The following CITED2 variants were observed in gnomAD, a reference collection of about 807,000 sequenced individuals.
The protein encoded by CITED2 is Cbp/p300 interacting transactivator with ED-rich tail 2.
In CITED2, 2 loss-of-function variants were observed where a neutral mutation model predicts 11.8. That is an observed-to-expected ratio of 0.17 (90% CI 0.07 to 0.54). The LOEUF is 0.54. Among genes scored for constraint, CITED2 ranks in the 20% least tolerant of loss-of-function variants. The pLI is 0.94. For synonymous variants in CITED2, 210 were observed against 153.0 expected (o/e 1.37, Z -2.75); for missense variants, 437 against 390.2 (o/e 1.12, Z -1.01).
Position 139,373,326 on chromosome 6 carries a change from G to A in CITED2, c.619C>T (p.His207Tyr). 1.2e-6 allele frequency: 2 copies of A among 1,610,298 alleles called. No individual in the cohort carries two copies. Among genetic ancestry groups the A allele is most frequent in the Non-Finnish European group, 1.7e-6 (2 of 1,178,794 alleles). ...GGCGGCAGCATTGCAGCGGGGACGTGGGCCACGGAGGCGGGCATGTTGCCG... is the reference window on the plus strand; with the variant it reads ...GGCGGCAGCATTGCAGCGGGGACGTAGGCCACGGAGGCGGGCATGTTGCCG... ...GSGNMPASVAHVPAAMLPPNV... is the reference protein window; with the variant it reads ...GSGNMPASVAYVPAAMLPPNV... The change falls in exon 2 of 2, where the codon CAC becomes TAC. Residue 207 changes from histidine (H) to tyrosine (Y), a missense_variant. This residue lies in a region of CITED2 where 396 missense variants were observed against 325.2 expected (regional missense o/e 1.22). Coordinates refer to ENST00000367651, the MANE Select transcript of CITED2 (RefSeq NM_006079.5).
In CITED2 at chr6:139,373,683, C is replaced by T. The variant is rs750072210; in HGVS notation, c.262G>A (p.Ala88Thr). 6.8e-6 allele frequency: 11 copies of T among 1,611,330 alleles called. No homozygotes were observed. The highest frequency in any genetic ancestry group is 1.7e-5 in the Admixed American group (1 of 59,958). The change falls in exon 2 of 2, where the codon GCC becomes ACC. Residue 88 changes from alanine to threonine, a missense_variant. Transcript: ENST00000367651. ...GAGTTGTTAAACCTGGCCGCGGGGGCCAGCGCGCTCGGGGGGTGCCCTCCG... is the reference window on the plus strand; with the variant it reads ...GAGTTGTTAAACCTGGCCGCGGGGGTCAGCGCGCTCGGGGGGTGCCCTCCG... ...VNGGHPPSAL[A>T]PAARFNNSQF...
rs1301946222 is a variant in CITED2 at position 139,373,564 on chromosome 6, G to A, written c.381C>T (p.His127=). 4.3e-6 allele frequency: 7 copies of A among 1,614,036 alleles called. No homozygotes were observed. The highest frequency in any genetic ancestry group is 1.3e-5 in the African/African-American group (1 of 74,934). Residue 127 remains histidine (H), a synonymous_variant, in exon 2 of 2, where the codon CAC becomes CAT. Transcript: ENST00000367651. ...QKLNNQYFNH[H]PYPHNHYMPD... ...GCATGTAGTGGTTGTGGGGGTAGGGGTGATGGTTGAAATACTGGTTGTTGA... is the reference window on the plus strand; with the variant it reads ...GCATGTAGTGGTTGTGGGGGTAGGGATGATGGTTGAAATACTGGTTGTTGA...
At chr6:139,374,056 C>A (rs1778324859) in intron 1 of CITED2, 104 bp from the exon 2 acceptor site, 6 of 1,526,334 alleles carry the variant, frequency 3.9e-6, no homozygotes, top group Non-Finnish European at 5.3e-6. Flanking sequence ...CCCGGGCGCA[C>A]GTCGGCTGCG....
At chr6:139,374,300 G>GCACATCCTGTTGTTA (rs1778332590) in intron 1 of CITED2, 113 bp downstream of exon 1, 1 of 860,436 alleles carries the variant, frequency 1.2e-6, no homozygotes, top group Non-Finnish European at 1.7e-6. Flanking sequence ...TCCTGTTGTT[G>GCACATCCTGTTGTTA]CACATCCTGT....
chr6:139,372,396 G>A lies in CITED2; in HGVS notation c.*736C>T, dbSNP rs1778261397. On this transcript the variant is annotated 3_prime_UTR_variant, in exon 2 of 2. Transcript: ENST00000367651. ...ACACAGTAGTATCTTTTCATGTACT[G>A]AATATAACTATTAGCACAGTGTCAA... is the stretch of plus-strand genomic sequence containing the variant. 6.6e-6 allele frequency: 1 copy of A among 152,024 alleles called. No homozygotes were observed. The highest frequency in any genetic ancestry group is 1.5e-5 in the Non-Finnish European group (1 of 68,026). 9.4% of individuals were successfully genotyped at this position (152,024 alleles called of 1,614,324 possible). A position where few individuals can be genotyped will look rare whatever the true frequency, so the allele number is the denominator to read the frequency against.
chr6:139,373,959 G>C lies in CITED2; in HGVS notation c.-8-7C>G. On this transcript the variant is annotated splice_polypyrimidine_tract_variant and splice_region_variant and intron_variant, in intron 1 of 1. Transcript: ENST00000367651. ...TGGTCTGCCATTTCCAGTCCTGGAA[G>C]TGAAAAGGGCAGATAATGAGACCCG... The C allele has an allele frequency of 6.3e-7, 1 of 1,596,408 alleles. No individual in the cohort carries two copies. Among genetic ancestry groups the C allele is most frequent in the Non-Finnish European group, 8.5e-7 (1 of 1,178,998 alleles).
chr6:139,373,351 G>T lies in CITED2; in HGVS notation c.594C>A (p.Ser198Arg). Residue 198 changes from serine (S) to arginine (R), a missense_variant, in exon 2 of 2, where the codon AGC (serine) becomes AGA (arginine). Coordinates refer to ENST00000367651, the MANE Select transcript of CITED2 (RefSeq NM_006079.5). The stretch of plus-strand genomic sequence containing the variant: ...GGGCCACGGAGGCGGGCATGTTGCC[G>T]CTGCCGCTGCCGCCGCCGCTGTTGC... ...GSSNSGGGSGSGNMPASVAHV... is the reference protein window; with the variant it reads ...GSSNSGGGSGRGNMPASVAHV... The T allele has an allele frequency of 6.3e-7, 1 of 1,590,682 alleles. No homozygotes were observed. The highest frequency in any genetic ancestry group is 8.5e-7 in the Non-Finnish European group (1 of 1,170,512).
At position 139,373,231 on chromosome 6, in the gene CITED2, G is replaced by A. The variant is rs1778288493; in HGVS notation, c.714C>T (p.Asp238=). 1.2e-6 allele frequency: 2 copies of A among 1,614,202 alleles called. No homozygotes were observed. Among genetic ancestry groups the A allele is most frequent in the Non-Finnish European group, 1.7e-6 (2 of 1,180,038 alleles). The change falls in exon 2 of 2, where the codon GAC becomes GAT. Residue 238 remains aspartate (D), a synonymous_variant. Coordinates refer to ENST00000367651, the MANE Select transcript of CITED2 (RefSeq NM_006079.5). ...AGAGTTCGGGCAGCTCCTTGATGCG[G>A]TCCAAACCCATTTCTATCACCAAGG... ...LMSLVIEMGL[D]RIKELPELWL... is the part of the protein sequence containing the mutation.
rs964328323 is a variant in CITED2 at position 139,374,539 on chromosome 6, G to A, written c.-135C>T. 4.4e-5 allele frequency: 9 copies of A among 203,870 alleles called. No individual in the cohort carries two copies. The highest frequency in any genetic ancestry group is 6.9e-5 in the African/African-American group (3 of 43,358). The allele number at this position is 203,870 out of a possible 1,614,324, so 12.6% of individuals were successfully genotyped here. On this transcript the variant is annotated 5_prime_UTR_variant, in exon 1 of 2. Transcript: ENST00000367651. ...GCTTCGCTGTCGCGATGTCGGCGCC[G>A]AGGTCTCGCAGCGGCCGCTGGGGCA...
intron 1 of CITED2, 102 bp from the exon 2 acceptor site, chr6:139,374,054 C>T: frequency 1.3e-6 from 2 of 1,527,228 alleles, no homozygotes; most frequent in Non-Finnish European, 1.8e-6. Context: ...TTCCCGGGCG[C>T]ACGTCGGCTG....
Position 139,373,517 on chromosome 6 carries a change from C to G in CITED2, c.428G>C (p.Gly143Ala), listed in dbSNP as rs755846060. Reference protein sequence around the residue: ...HYMPDLHPAAGHQMNGTNQHF... With the variant: ...HYMPDLHPAAAHQMNGTNQHF... ...CTGGTTTGTCCCGTTCATCTGGTGG[C>G]CTGCAGCAGGGTGCAAATCCGGCAT... is the stretch of plus-strand genomic sequence containing the variant. The change falls in exon 2 of 2, where the codon GGC becomes GCC. Residue 143 changes from glycine (G) to alanine (A), a missense_variant. Coordinates refer to ENST00000367651, the MANE Select transcript of CITED2 (RefSeq NM_006079.5). 2 of 1,613,488 alleles carry G rather than the reference C, an allele frequency of 1.2e-6. No individual in the cohort carries two copies. Among genetic ancestry groups the G allele is most frequent in the South Asian group, 2.2e-5 (2 of 91,034 alleles).
Position 139,373,790 on chromosome 6 carries a change from A to T in CITED2, c.155T>A (p.Met52Lys). Residue 52 changes from methionine to lysine, a missense_variant, in exon 2 of 2, where the codon ATG becomes AAG. Physicochemically the swap from Met to Lys is moderately conservative, Grantham distance 95 (BLOSUM62 -1). This residue lies in a region of CITED2 where 396 missense variants were observed against 325.2 expected (regional missense o/e 1.22). Transcript: ENST00000367651. ...QQPQHAFNAL[M>K]GEHIHYGAGN... ...CGCGCCGTAGTGTATGTGCTCGCCC[A>T]TTAGGGCGTTGAAGGCGTGCTGGGG... 6.2e-7 allele frequency: 1 copy of T among 1,610,298 alleles called. No homozygotes were observed. The highest frequency in any genetic ancestry group is 8.5e-7 in the Non-Finnish European group (1 of 1,179,946).
chr6:139,374,454 C>G lies in CITED2; in HGVS notation c.-50G>C. ...TTCTGCTCCGAAGACCGAGGGCGGG[C>G]TCGTCGCGTCCAGGACCGGCTCAGC... On this transcript the variant is annotated 5_prime_UTR_variant, in exon 1 of 2. Coordinates refer to ENST00000367651, the MANE Select transcript of CITED2 (RefSeq NM_006079.5). 2 of 360,332 alleles carry G rather than the reference C, an allele frequency of 5.6e-6. No individual in the cohort carries two copies. The highest frequency in any genetic ancestry group is 1.4e-4 in the South Asian group (2 of 14,250). The allele number at this position is 360,332 out of a possible 1,614,324, so 22.3% of individuals were successfully genotyped here. A position where few individuals can be genotyped will look rare whatever the true frequency, so the allele number is the denominator to read the frequency against.
rs373786537 is a variant in CITED2, at chr6:139,373,872, C to G, written c.73G>C (p.Ala25Pro). The change falls in exon 2 of 2, where the codon GCC (alanine) becomes CCC (proline). Residue 25 changes from alanine to proline, a missense_variant. Ala to Pro is a conservative substitution (Grantham distance 27, BLOSUM62 -1). This residue lies in a region of CITED2 where 396 missense variants were observed against 325.2 expected (regional missense o/e 1.22). Transcript: ENST00000367651. ...AACTGCCCCATGCCCATGCGGTGGG[C>G]AGGGTGATGGTGCAGCCCATTGGTG... is the stretch of plus-strand genomic sequence containing the variant. ...DGTNGLHHHP[A>P]HRMGMGQFPS... is the part of the protein sequence containing the mutation. 75 of 1,602,582 alleles carry G rather than the reference C, an allele frequency of 4.7e-5. No homozygotes were observed. The highest frequency in any genetic ancestry group is 6.3e-5 in the Non-Finnish European group (74 of 1,179,946).
In CITED2 at chr6:139,374,436, C is replaced by T. The variant is rs1413692726; in HGVS notation, c.-32G>A. On this transcript the variant is annotated 5_prime_UTR_variant, in exon 1 of 2. Transcript: ENST00000367651. ...ACCTTCCGTTTTTGCGATTTCTGCT[C>T]CGAAGACCGAGGGCGGGCTCGTCGC... is the stretch of plus-strand genomic sequence containing the variant. 5.1e-6 allele frequency: 2 copies of T among 393,414 alleles called. No individual in the cohort carries two copies. The highest frequency in any genetic ancestry group is 4.0e-5 in the African/African-American group (2 of 49,700). 24.4% of individuals were successfully genotyped at this position (393,414 alleles called of 1,614,324 possible).
In CITED2 at chr6:139,373,448, G is replaced by T. The variant is rs546772104; in HGVS notation, c.497C>A (p.Thr166Asn). The change falls in exon 2 of 2, where the codon ACC becomes AAC. Residue 166 changes from threonine (T) to asparagine (N), a missense_variant. By Grantham distance (65) the Thr-to-Asn change is moderately conservative. Transcript: ENST00000367651. ...CNPKHSGGSS[T>N]PGGSGGSSTP... The stretch of plus-strand genomic sequence containing the variant: ...GCTGCTGCCGCCCGAGCCGCCGGGG[G>T]TGCTGCTGCCGCCGCTGTGCTTGGG... 5.2e-6 allele frequency: 8 copies of T among 1,549,430 alleles called. No individual in the cohort carries two copies. Among genetic ancestry groups the T allele is most frequent in the Non-Finnish European group, 7.0e-6 (8 of 1,150,168 alleles).
At position 139,372,203 on chromosome 6, in the gene CITED2, G is replaced by GA. The variant is rs1436475825; in HGVS notation, c.*928dup. On this transcript the variant is annotated 3_prime_UTR_variant, in exon 2 of 2. Coordinates refer to ENST00000367651, the MANE Select transcript of CITED2 (RefSeq NM_006079.5). ...ATAGTGTTCAACTCAAAGACGGGGG[G>GA]AAAAAAGCCACCAAAGGGAACAACC... is the stretch of plus-strand genomic sequence containing the variant. 6.6e-6 allele frequency: 1 copy of GA among 152,206 alleles called. No homozygotes were observed. The highest frequency in any genetic ancestry group is 1.5e-5 in the Non-Finnish European group (1 of 67,994). The allele number at this position is 152,206 out of a possible 1,614,324, so 9.4% of individuals were successfully genotyped here.
At position 139,373,096 on chromosome 6, in the gene CITED2, G is replaced by A. The variant is rs748296240; in HGVS notation, c.*36C>T. The stretch of plus-strand genomic sequence containing the variant: ...TCTTTTAATTCACGCCGAAGAAGTT[G>A]GGGGTTTGATTTCTTTCGCCGGGGT... On this transcript the variant is annotated 3_prime_UTR_variant, in exon 2 of 2. Coordinates refer to ENST00000367651, the MANE Select transcript of CITED2 (RefSeq NM_006079.5). 65 of 1,566,780 alleles carry A rather than the reference G, an allele frequency of 4.1e-5. No individual in the cohort carries two copies. In the Admixed American group the frequency reaches 8.5e-4, roughly 21 times the overall value.
Position 139,374,491 on chromosome 6 carries a change from G to C in CITED2, c.-87C>G. 3.7e-6 allele frequency: 1 copy of C among 269,152 alleles called. No homozygotes were observed. The highest frequency in any genetic ancestry group is 1.3e-4 in the South Asian group (1 of 7,474). 16.7% of individuals were successfully genotyped at this position (269,152 alleles called of 1,614,324 possible). A position where few individuals can be genotyped will look rare whatever the true frequency, so the allele number is the denominator to read the frequency against. ...AGGACCGGCTCAGCAGCACATAGAG[G>C]GGACCTTCCTGGCGTGCAAAGCGCT... On this transcript the variant is annotated 5_prime_UTR_variant, in exon 1 of 2. Coordinates refer to ENST00000367651, the MANE Select transcript of CITED2 (RefSeq NM_006079.5).
Sources: gnomAD v4.1 joint callset for allele counts on GRCh38, gnomAD v4.1.1 for gene constraint, gnomAD v4.1.1 regional missense constraint, MANE v1.5 for transcripts, NCBI Gene and HGNC (gene_info 2026-07-23, HGNC 2026-07-21) for gene names.